RRP12: variants seen among roughly 807,000 people sequenced by gnomAD.
RRP12 encodes ribosomal RNA processing 12 homolog, also known as RRP12-like protein.
RRP12 carries 78 observed loss-of-function variants against 157.3 expected under a neutral mutation model. The ratio of observed to expected loss-of-function variants is 0.50; its 90% CI spans 0.41 to 0.60. The LOEUF is 0.60. Among genes scored for constraint, RRP12 ranks in the 20% least tolerant of loss-of-function variants. RRP12 has a pLI of 0.00. For synonymous variants in RRP12, 726 were observed against 670.9 expected (o/e 1.08, Z -1.27); for missense variants, 1,521 against 1,679.9 (o/e 0.91, Z 1.65).
chr10:97,358,498 C>T, intron 33 of RRP12, 39 bp downstream of exon 33: 1 of 1,488,460 alleles, frequency 6.7e-7, no homozygotes, highest in Non-Finnish European at 9.4e-7. Context: ...CATCCCCACC[C>T]ATCCTCCAGC....
At chr10:97,362,105 C>CAA (rs11293071) in intron 30 of RRP12, among the ~76,000 whole-genome samples, 14 of 95,084 alleles carry the variant, frequency 1.5e-4, no homozygotes, top group African/African-American at 4.3e-4. Context: ...GACTTCATCT[C>CAA]AAAAAAAAAA....
chr10:97,372,888 T>G, intron 18 of RRP12, 85 bp from the exon 19 acceptor site: 1 of 1,456,634 alleles, frequency 6.9e-7, no homozygotes, highest in Non-Finnish European at 9.4e-7. Context: ...CAGAGCGGCC[T>G]CCCCATCAGC....
intron 10 of RRP12, among the ~76,000 whole-genome samples, chr10:97,383,506 G>A (rs1409106670): frequency 6.6e-6 from 1 of 152,196 alleles, no homozygotes; most frequent in African/African-American, 2.4e-5. Flanking sequence ...CTGGGTGAGG[G>A]CAGGCCGTTG....
intron 30 of RRP12, 74 bp from the exon 31 acceptor site, chr10:97,360,692 G>A: frequency 9.1e-7 from 1 of 1,095,654 alleles, no homozygotes; most frequent in Non-Finnish European, 1.4e-6. Flanking sequence ...AACAGTAACA[G>A]CAGAGTACCC....
rs1360920479 is a variant in RRP12 at position 97,398,016 on chromosome 10, T to TAC, written c.370-1716_370-1715insGT. 1.5e-4 allele frequency among the ~76,000 whole-genome samples: 11 copies of TAC among 72,422 alleles called. 2 individuals carry two copies. Among genetic ancestry groups the TAC allele is most frequent in the African/African-American group, 2.3e-4 (5 of 21,864 alleles). 47.5% of individuals were successfully genotyped at this position (72,422 alleles called of 152,430 possible). On this transcript the variant is annotated intron_variant, in intron 2 of 33. Coordinates refer to ENST00000370992, the MANE Select transcript of RRP12 (RefSeq NM_015179.4). ...ACGTATATATATATACATATATATA[T>TAC]ATATATGTATATATATATACGTATT...
Position 97,358,930 on chromosome 10 carries a change from A to G in RRP12, c.3708+13T>C. The stretch of plus-strand genomic sequence containing the variant: ...AGTGCCAGGAGACCCCATGCCCTAC[A>G]TGCAGCACTTACCTTGGCCTTGTAT... On this transcript the variant is annotated intron_variant, in intron 32 of 33. Transcript: ENST00000370992. The G allele has an allele frequency of 6.2e-7, 1 of 1,610,434 alleles. No individual in the cohort carries two copies. The highest frequency in any genetic ancestry group is 8.5e-7 in the Non-Finnish European group (1 of 1,176,918).
chr10:97,399,493 C>A (rs1391201951), intron 2 of RRP12, among the ~76,000 whole-genome samples: 2 of 151,864 alleles, frequency 1.3e-5, no homozygotes, highest in African/African-American at 2.4e-5. Context: ...ATTTTGATAT[C>A]ATTTAGAATT....
At chr10:97,387,965 AAAAT>A in intron 8 of RRP12, 1 of 225,368 alleles carries the variant, frequency 4.4e-6, no homozygotes, top group Non-Finnish European at 8.5e-6. Context: ...AAAAAAAAAA[AAAAT>A]TGGTATAGGG....
intron 31 of RRP12, among the ~76,000 whole-genome samples, chr10:97,359,914 C>G (rs1014801615): frequency 6.6e-6 from 1 of 152,220 alleles, no homozygotes; most frequent in Non-Finnish European, 1.5e-5. Flanking sequence ...GAGGACACAC[C>G]AGCTACTGGA....
intron 29 of RRP12, 153 bp downstream of exon 29, chr10:97,365,955 T>C: frequency 2.1e-6 from 2 of 939,232 alleles, no homozygotes; most frequent in South Asian, 2.8e-5. Context: ...TTTCTTAATG[T>C]TTCTCAAAAA....
chr10:97,395,686 T>A (rs1442803877), intron 3 of RRP12, among the ~76,000 whole-genome samples: 2 of 150,854 alleles, frequency 1.3e-5, no homozygotes, highest in African/African-American at 2.4e-5. Context: ...TCTTCTCTAC[T>A]AAAAAATACA....
In RRP12 at chr10:97,358,532, C is replaced by T; in HGVS notation, c.3791+5G>A. 4 of 1,612,622 alleles carry T rather than the reference C, an allele frequency of 2.5e-6. No homozygotes were observed. In the South Asian group the frequency reaches 4.4e-5, roughly 18 times the overall value. On this transcript the variant is annotated splice_donor_5th_base_variant and intron_variant, in intron 33 of 33. Transcript: ENST00000370992. ...GCCCCCAGCCTGCCTGGCACAGCGT[C>T]ATACCTGCGGTTGAGCTTGCTTCTG...
At chr10:97,372,708 C>G (rs1247204602) in intron 19 of RRP12, 28 bp downstream of exon 19, 1 of 1,548,182 alleles carries the variant, frequency 6.5e-7, no homozygotes, top group Non-Finnish European at 8.7e-7. Context: ...GCTGCTCCAG[C>G]TCAAGTGGGA....
intron 31 of RRP12, 64 bp downstream of exon 31, chr10:97,360,482 C>A: frequency 7.4e-7 from 1 of 1,344,364 alleles, no homozygotes. Flanking sequence ...CTTCCTGTGA[C>A]TCCCCTCCCT....
Position 97,357,204 on chromosome 10 carries a change from G to C in RRP12, c.3792-8C>G. On this transcript the variant is annotated splice_region_variant and splice_polypyrimidine_tract_variant and intron_variant, in intron 33 of 33. Coordinates refer to ENST00000370992, the MANE Select transcript of RRP12 (RefSeq NM_015179.4). ...TGCAGCTTCATCTTCTTCCTGCAGG[G>C]CCAAGGAACGGAAGGGTCACATCTG... 6.3e-7 allele frequency: 1 copy of C among 1,576,012 alleles called. No individual in the cohort carries two copies. The highest frequency in any genetic ancestry group is 1.1e-5 in the South Asian group (1 of 89,576).
At chr10:97,395,547 G>T (rs1286954058) in intron 3 of RRP12, among the ~76,000 whole-genome samples, 5 of 131,204 alleles carry the variant, frequency 3.8e-5, no homozygotes, top group Non-Finnish European at 6.5e-5. Flanking sequence ...GTGAGACTCT[G>T]TTTCAAAAAA....
intron 24 of RRP12, 56 bp from the exon 25 acceptor site, chr10:97,369,638 A>C: frequency 1.3e-6 from 2 of 1,509,168 alleles, no homozygotes. Flanking sequence ...TCAGACCCAA[A>C]CCTTCCCCAC....
chr10:97,373,545 C>T (rs374626234), intron 17 of RRP12, 30 bp downstream of exon 17: 19 of 1,565,686 alleles, frequency 1.2e-5, no homozygotes, highest in Admixed American at 1.8e-5. Flanking sequence ...GTCATCCTCC[C>T]CAGCCCCCAC....
Position 97,382,551 on chromosome 10 carries a change from A to T in RRP12, c.1209-725T>A, listed in dbSNP as rs570017781. 1.4e-4 allele frequency among the ~76,000 whole-genome samples: 21 copies of T among 152,326 alleles called. 1 individual carries two copies. The South Asian group carries it at 4.3e-3, about 32-fold the overall frequency. On this transcript the variant is annotated intron_variant, in intron 10 of 33. Coordinates refer to ENST00000370992, the MANE Select transcript of RRP12 (RefSeq NM_015179.4). The stretch of plus-strand genomic sequence containing the variant: ...ATAAATCCTATTATTTTTCCATTTT[A>T]TAGATGAGGAAAGACACAGAGAAGT...
Sources: gnomAD v4.1 joint callset for allele counts (sites outside exome capture counted in the v4.1 genomes callset) on GRCh38, gnomAD v4.1.1 for gene constraint, MANE v1.5 for transcripts, NCBI Gene and HGNC (gene_info 2026-07-23, HGNC 2026-07-21) for gene names.